Variants in ALMS1 observed in about 807,000 individuals in gnomAD.
The protein encoded by ALMS1 is ALMS1 centrosome and basal body associated protein.
ALMS1 carries 271 observed loss-of-function variants against 352.2 expected under a neutral mutation model. That is an observed-to-expected ratio of 0.77 (90% confidence interval 0.70 to 0.85). ALMS1 has a LOEUF of 0.85. Ranked by LOEUF, ALMS1 falls within the 40% of genes least tolerant of loss-of-function variation. The pLI, the probability that ALMS1 is intolerant of heterozygous loss-of-function variation, is 0.00. For missense variants in ALMS1, 5,445 were observed against 4,870.7 expected, an observed-to-expected ratio of 1.12 and a Z score of -3.51; for synonymous variants, 1,865 against 1,761.2, an observed-to-expected ratio of 1.06 and a Z score of -1.48.
rs750326619 is a variant in ALMS1 at position 73,386,151 on chromosome 2, C to T, written c.283C>T (p.Gln95Ter). ...GATTTTGCCTCCGCTGTCGCCCCCG[C>T]AGCACCGCTACTCGGAGGGCGAGCG... Reference protein sequence around the residue: ...GRILPPLSPPQHRYSEGERTS... With the variant: ...GRILPPLSPP Residue 95 changes from glutamine (Q) to a stop codon, truncating the protein, a stop_gained, in exon 1 of 23, where the codon CAG becomes TAG. Coordinates refer to ENST00000613296, the MANE Select transcript of ALMS1 (RefSeq NM_001378454.1). LOFTEE classifies it high-confidence loss of function. 34 of 1,556,050 alleles carry T rather than the reference C, an allele frequency of 2.2e-5. No homozygotes were observed. Among genetic ancestry groups the T allele is most frequent in the Non-Finnish European group, 2.9e-5 (33 of 1,150,398 alleles).
intron 3 of ALMS1, among the ~76,000 whole-genome samples, chr2:73,420,874 A>G (rs1440777962): frequency 6.6e-6 from 1 of 152,186 alleles, no homozygotes; most frequent in Non-Finnish European, 1.5e-5. Flanking sequence ...CGCCAATGGC[A>G]AATGTAATTG....
At chr2:73,455,616 G>A (rs916824407) in intron 9 of ALMS1, among the ~76,000 whole-genome samples, 1 of 152,184 alleles carries the variant, frequency 6.6e-6, no homozygotes, top group Non-Finnish European at 1.5e-5. Flanking sequence ...TGCCCAGGCT[G>A]GTCTTGAACG....
chr2:73,396,550 C>CTTTT lies in ALMS1; in HGVS notation c.324+10376_324+10379dup, dbSNP rs60473435. Among the ~76,000 whole-genome samples the CTTTT allele has an allele frequency of 7.7e-3, 593 of 77,120 alleles. 7 individuals are homozygous for CTTTT. Among genetic ancestry groups the CTTTT allele is most frequent in the Middle Eastern group, 0.014 (1 of 72 alleles). The allele number at this position is 77,120 out of a possible 152,430, so 50.6% of individuals were successfully genotyped here. Reference sequence around the variant, plus strand: ...AGGTTACATCAAATGGGTCTGAGCTCTTTTTTTTTTTTTTTTTTTTTGCAG... The same window carrying CTTTT: ...AGGTTACATCAAATGGGTCTGAGCTCTTTTTTTTTTTTTTTTTTTTTTTTTGCAG... On this transcript the variant is annotated intron_variant, in intron 1 of 22. Transcript: ENST00000613296.
At chr2:73,389,258 G>A (rs1445682107) in intron 1 of ALMS1, among the ~76,000 whole-genome samples, 1 of 152,104 alleles carries the variant, frequency 6.6e-6, no homozygotes, top group African/African-American at 2.4e-5. Context: ...TGTCTGTTCA[G>A]TCTTTTGCCC....
rs1672982680 is a variant in ALMS1, at chr2:73,491,378, A to G, written c.9419A>G (p.Gln3140Arg). The part of the protein sequence containing the change: ...PSLPDSNTIT[Q>R]DLKTIPSQNS... Reference sequence around the variant, plus strand: ...CTTCCAGACAGTAACACTATTACTCAGGACTTGAAAACCATACCTTCTCAG... The same window carrying G: ...CTTCCAGACAGTAACACTATTACTCGGGACTTGAAAACCATACCTTCTCAG... The change falls in exon 10 of 23, where the codon CAG becomes CGG. Residue 3140 changes from glutamine (Q) to arginine (R), a missense_variant. Coordinates refer to ENST00000613296, the MANE Select transcript of ALMS1 (RefSeq NM_001378454.1). 1.9e-6 allele frequency: 3 copies of G among 1,614,050 alleles called. No homozygotes were observed. Among genetic ancestry groups the G allele is most frequent in the Non-Finnish European group, 2.5e-6 (3 of 1,180,010 alleles).
chr2:73,447,996 A>C lies in ALMS1; in HGVS notation c.1469A>C (p.Gln490Pro), dbSNP rs1423767190. Residue 490 changes from glutamine to proline, a missense_variant, in exon 8 of 23, where the codon CAA (glutamine) becomes CCA (proline). Gln to Pro is a moderately conservative substitution (Grantham distance 76). Coordinates refer to ENST00000613296, the MANE Select transcript of ALMS1 (RefSeq NM_001378454.1). Reference protein sequence around the residue: ...TSKGGIAKVTQSNLKSGITTT... With the variant: ...TSKGGIAKVTPSNLKSGITTT... ...AAAGGAGGCATAGCTAAAGTTACTC[A>C]ATCCAACTTGAAGTCAGGCATCACT... 6.2e-7 allele frequency: 1 copy of C among 1,613,526 alleles called. No homozygotes were observed. The highest frequency in any genetic ancestry group is 2.2e-5 in the East Asian group (1 of 44,874).
chr2:73,449,440 C>T lies in ALMS1; in HGVS notation c.2913C>T (p.Asp971=), dbSNP rs1469326206. 6.2e-7 allele frequency: 1 copy of T among 1,614,066 alleles called. No individual in the cohort carries two copies. The highest frequency in any genetic ancestry group is 1.1e-5 in the South Asian group (1 of 91,084). ...TTTTCTACCAGCAAGAGTTGCCAGA[C>T]AGTGATCTACCTAGAGAATCTCTGA... ...SSVFYQQELP[D]SDLPRESLKM... The change falls in exon 8 of 23, where the codon GAC becomes GAT. Residue 971 remains aspartate, a synonymous_variant. Transcript: ENST00000613296.
chr2:73,585,044 T>A (rs1675277852), intron 16 of ALMS1, among the ~76,000 whole-genome samples: 1 of 152,258 alleles, frequency 6.6e-6, no homozygotes, highest in Non-Finnish European at 1.5e-5. Flanking sequence ...GCATTTAGGC[T>A]GCTTCCATGT....
chr2:73,415,548 T>A (rs907573950), intron 2 of ALMS1, among the ~76,000 whole-genome samples: 1 of 152,170 alleles, frequency 6.6e-6, no homozygotes, highest in East Asian at 1.9e-4. Context: ...TCCTCTCTCC[T>A]GCTCTACAAT....
chr2:73,601,339 G>A lies in ALMS1; in HGVS notation c.12017G>A (p.Cys4006Tyr), dbSNP rs1036958486. 2.5e-6 allele frequency: 4 copies of A among 1,614,212 alleles called. No individual in the cohort carries two copies. In the African/African-American group the frequency reaches 5.3e-5, roughly 22 times the overall value. ...PWREPLREQNCQGQHLDGRGY... is the reference protein window; with the variant it reads ...PWREPLREQNYQGQHLDGRGY... ...AGGGAGCCACTGCGGGAGCAGAACTGTCAGGGGCAGCACCTGGACGGTCGG... is the reference window on the plus strand; with the variant it reads ...AGGGAGCCACTGCGGGAGCAGAACTATCAGGGGCAGCACCTGGACGGTCGG... The change falls in exon 19 of 23, where the codon TGT (cysteine) becomes TAT (tyrosine). Residue 4006 changes from cysteine to tyrosine, a missense_variant. By Grantham distance (194) the Cys-to-Tyr change is radical. Coordinates refer to ENST00000613296, the MANE Select transcript of ALMS1 (RefSeq NM_001378454.1).
At chr2:73,475,373 C>T (rs1295372403) in intron 9 of ALMS1, among the ~76,000 whole-genome samples, 2 of 152,060 alleles carry the variant, frequency 1.3e-5, no homozygotes, top group South Asian at 4.1e-4. Flanking sequence ...TCAGTTTCTC[C>T]ACGTCCTTTC....
intron 1 of ALMS1, among the ~76,000 whole-genome samples, chr2:73,400,967 A>G (rs1208899128): frequency 1.3e-5 from 2 of 151,944 alleles, no homozygotes; most frequent in African/African-American, 2.4e-5. Context: ...TTGCATTTTT[A>G]GTAGATTTAG....
Position 73,449,402 on chromosome 2 carries a change from GAGAAATCTAGTGTTTTCTAC to G in ALMS1, c.2876_2895del (p.Glu959AlafsTer8). On this transcript the variant is annotated frameshift_variant, in exon 8 of 23. Transcript: ENST00000613296. LOFTEE classifies it high-confidence loss of function. ...GTCCTCTAATTCTCACTCACATAGCGAGAAATCTAGTGTTTTCTACCAGCAAGAGTTGCCAGACAGTGATC... is the reference window on the plus strand; with the variant it reads ...GTCCTCTAATTCTCACTCACATAGCGCAGCAAGAGTTGCCAGACAGTGATC... 6.2e-7 allele frequency: 1 copy of G among 1,614,070 alleles called. No individual in the cohort carries two copies. The highest frequency in any genetic ancestry group is 1.3e-5 in the African/African-American group (1 of 75,038).
chr2:73,421,774 A>G (rs1378918650), intron 3 of ALMS1, among the ~76,000 whole-genome samples: 2 of 152,148 alleles, frequency 1.3e-5, no homozygotes, highest in Non-Finnish European at 1.5e-5. Flanking sequence ...TGACTAAGTA[A>G]AGGACAGATG....
chr2:73,527,990 T>C (rs989917201), intron 11 of ALMS1, among the ~76,000 whole-genome samples: 2 of 152,176 alleles, frequency 1.3e-5, no homozygotes, highest in African/African-American at 2.4e-5. Flanking sequence ...ATTTCTTTCT[T>C]GATTTCTTCC....
intron 15 of ALMS1, among the ~76,000 whole-genome samples, chr2:73,566,528 T>C (rs1431203492): frequency 6.6e-6 from 1 of 152,236 alleles, no homozygotes; most frequent in Non-Finnish European, 1.5e-5. Context: ...AAATCATGAA[T>C]TGTTTCTGGA....
chr2:73,601,948 G>A (rs778743302), intron 19 of ALMS1, among the ~76,000 whole-genome samples: 16 of 152,164 alleles, frequency 1.1e-4, no homozygotes, highest in Admixed American at 2.6e-4. Flanking sequence ...AGTTGTAATC[G>A]CCATAGTCTT....
At chr2:73,465,976 C>G (rs929457543) in intron 9 of ALMS1, among the ~76,000 whole-genome samples, 7 of 150,230 alleles carry the variant, frequency 4.7e-5, no homozygotes, top group African/African-American at 1.7e-4. Flanking sequence ...ATTAAAAAGT[C>G]AGGAAACAAC....
At chr2:73,402,860 T>C (rs899091364) in intron 1 of ALMS1, among the ~76,000 whole-genome samples, 3 of 152,174 alleles carry the variant, frequency 2.0e-5, no homozygotes, top group African/African-American at 7.2e-5. Context: ...TTCAGGTCCG[T>C]TGCCCATTCT....
Sources: allele counts gnomAD v4.1 joint callset (sites outside exome capture counted in the v4.1 genomes callset), GRCh38; gene constraint gnomAD v4.1.1; transcripts MANE v1.5; gene names NCBI Gene and HGNC (gene_info 2026-07-23, HGNC 2026-07-21).